Variants in CEP112 observed in about 807,000 individuals in gnomAD.
CEP112 encodes the protein centrosomal protein of 112 kDa.
In CEP112, 127 loss-of-function variants were observed where a neutral mutation model predicts 153.0. The observed-to-expected ratio is 0.83, with a 90% CI of 0.72 to 0.96. The LOEUF (loss-of-function observed/expected upper bound fraction) is 0.96. CEP112 is among the 40% of genes least tolerant of loss of function. The pLI is 0.00. For synonymous variants in CEP112, 358 were observed against 374.4 expected (o/e 0.96, Z 0.51); for missense variants, 1,089 against 1,101.2 (o/e 0.99, Z 0.16).
intron 21 of CEP112, among the ~76,000 whole-genome samples, chr17:65,840,046 A>G (rs996030376): frequency 2.6e-5 from 4 of 152,178 alleles, no homozygotes; most frequent in Non-Finnish European, 5.9e-5. Context: ...CTCCATGCTC[A>G]TGGATTGGAA....
At chr17:65,746,684 GGTAA>G (rs900136689) in intron 22 of CEP112, among the ~76,000 whole-genome samples, 31 of 152,110 alleles carry the variant, frequency 2.0e-4, no homozygotes, top group African/African-American at 7.5e-4. Flanking sequence ...CTATAATCAT[GGTAA>G]GTAATAAAAA....
At chr17:65,990,156 G>A (rs2145238474) in intron 17 of CEP112, among the ~76,000 whole-genome samples, 1 of 152,180 alleles carries the variant, frequency 6.6e-6, no homozygotes, top group Admixed American at 6.6e-5. Context: ...TAATATTTAA[G>A]TCCTTACTGA....
chr17:65,731,627 T>C (rs1343570922), intron 23 of CEP112, among the ~76,000 whole-genome samples: 3 of 152,220 alleles, frequency 2.0e-5, no homozygotes, highest in African/African-American at 7.2e-5. Context: ...CGATGCTGTT[T>C]GATTTAACCA....
At chr17:66,190,508 T>C (rs1335397551) in intron 1 of CEP112, among the ~76,000 whole-genome samples, 2 of 151,846 alleles carry the variant, frequency 1.3e-5, no homozygotes, top group African/African-American at 4.8e-5. Flanking sequence ...GCCTATCAGT[T>C]ATATAAATTA....
chr17:66,052,014 A>G (rs2066463195), intron 12 of CEP112, among the ~76,000 whole-genome samples: 1 of 152,252 alleles, frequency 6.6e-6, no homozygotes, highest in Non-Finnish European at 1.5e-5. Flanking sequence ...GGGCAAAATC[A>G]TCTAACACAA....
intron 8 of CEP112, among the ~76,000 whole-genome samples, chr17:66,073,727 A>G (rs2067382792): frequency 6.6e-6 from 1 of 152,228 alleles, no homozygotes; most frequent in Non-Finnish European, 1.5e-5. Context: ...GTGTTGGATA[A>G]TATCTTTGGC....
At chr17:65,939,873 C>G (rs1387288972) in intron 18 of CEP112, among the ~76,000 whole-genome samples, 1 of 151,982 alleles carries the variant, frequency 6.6e-6, no homozygotes, top group Middle Eastern at 3.2e-3. Context: ...GCAACGAAGG[C>G]AAACACAGAC....
At chr17:65,777,395 T>C (rs1244400548) in intron 21 of CEP112, among the ~76,000 whole-genome samples, 1 of 152,244 alleles carries the variant, frequency 6.6e-6, no homozygotes, top group East Asian at 1.9e-4. Flanking sequence ...CCCTGGTTTA[T>C]TGGCCATATT....
chr17:66,086,375 CTTTTCTTTTTTTTTTTTTT>C (rs2067930446), intron 8 of CEP112, among the ~76,000 whole-genome samples: 1 of 103,088 alleles, frequency 9.7e-6, no homozygotes, highest in African/African-American at 3.7e-5. Flanking sequence ...ATAAGATTTT[CTTTTCTTTTTTTTTTTTTT>C]TTTTTTTTTT....
In CEP112 at chr17:65,916,713, ATTT is replaced by A. The variant is rs67312385; in HGVS notation, c.1980+10866_1980+10868del. 8.8e-5 allele frequency among the ~76,000 whole-genome samples: 13 copies of A among 147,322 alleles called. 1 individual carries two copies. In the South Asian group the frequency reaches 1.9e-3, roughly 22 times the overall value. ...AGGTGCAAGCCACCATGCCAGTCTAATTTTTTTTTTTTAATAGAGATGGGGGCC... is the reference window on the plus strand; with the variant it reads ...AGGTGCAAGCCACCATGCCAGTCTAATTTTTTTTTAATAGAGATGGGGGCC... On this transcript the variant is annotated intron_variant, in intron 19 of 26. Transcript: ENST00000535342.
chr17:65,882,564 T>C (rs938087521), intron 20 of CEP112, among the ~76,000 whole-genome samples: 3 of 152,234 alleles, frequency 2.0e-5, no homozygotes, highest in African/African-American at 4.8e-5. Context: ...GTTCAATGTA[T>C]TGATTTGTGT....
At chr17:65,979,623 T>C (rs894596) in intron 17 of CEP112, among the ~76,000 whole-genome samples, 78,468 of 151,352 alleles carry the variant, frequency 0.52, 21,282 homozygotes, top group African/African-American at 0.6. Context: ...ATACCTTAAA[T>C]GTGCCTACCA....
At chr17:65,917,380 T>C (rs2060532101) in intron 19 of CEP112, among the ~76,000 whole-genome samples, 1 of 152,104 alleles carries the variant, frequency 6.6e-6, no homozygotes. Flanking sequence ...CCATAAATCA[T>C]ACATATCTAG....
chr17:65,866,668 T>C (rs551916715), intron 20 of CEP112, among the ~76,000 whole-genome samples: 27 of 152,094 alleles, frequency 1.8e-4, no homozygotes, highest in Non-Finnish European at 2.8e-4. Context: ...AGACAAAGGA[T>C]GACCAGCTGA....
chr17:66,030,228 C>T (rs2065405073), intron 12 of CEP112, among the ~76,000 whole-genome samples: 1 of 152,152 alleles, frequency 6.6e-6, no homozygotes, highest in Non-Finnish European at 1.5e-5. Context: ...AAGAACATCA[C>T]AGTTATATAC....
At chr17:66,184,930 C>T (rs1178094575) in intron 1 of CEP112, among the ~76,000 whole-genome samples, 1 of 152,110 alleles carries the variant, frequency 6.6e-6, no homozygotes, top group Non-Finnish European at 1.5e-5. Flanking sequence ...CTGATACACA[C>T]AAAACATGGA....
At position 65,902,148 on chromosome 17, in the gene CEP112, T is replaced by C; in HGVS notation, c.2163+4A>G. Reference sequence around the variant, plus strand: ...CCGTTTTATCAAATATTATTGATAATTACCTGTGCATCTCGTTTCTTGAAC... The same window carrying C: ...CCGTTTTATCAAATATTATTGATAACTACCTGTGCATCTCGTTTCTTGAAC... On this transcript the variant is annotated splice_donor_region_variant and intron_variant, in intron 20 of 26. Transcript: ENST00000535342. 6.2e-7 allele frequency: 1 copy of C among 1,605,912 alleles called. No homozygotes were observed. The highest frequency in any genetic ancestry group is 8.5e-7 in the Non-Finnish European group (1 of 1,173,668).
intron 12 of CEP112, among the ~76,000 whole-genome samples, chr17:66,035,968 T>G (rs945818642): frequency 1.3e-5 from 2 of 152,094 alleles, no homozygotes; most frequent in African/African-American, 4.8e-5. Context: ...ACAATGTAAA[T>G]GTCCATGGAT....
chr17:65,914,770 A>C (rs2060412473), intron 19 of CEP112, among the ~76,000 whole-genome samples: 1 of 152,198 alleles, frequency 6.6e-6, no homozygotes, highest in Admixed American at 6.5e-5. Context: ...CATTTTAAAA[A>C]AACTTTCCTT....
Sources: gnomAD v4.1 joint callset for allele counts (sites outside exome capture counted in the v4.1 genomes callset) on GRCh38, gnomAD v4.1.1 for gene constraint, MANE v1.5 for transcripts, NCBI Gene and HGNC (gene_info 2026-07-23, HGNC 2026-07-21) for gene names.